Variants in MRPS16 observed in about 807,000 individuals in gnomAD.
The protein encoded by MRPS16 is mitochondrial ribosomal protein S16.
Under a neutral mutation model 11.0 loss-of-function variants are expected in MRPS16, and 5 were observed. The ratio of observed to expected loss-of-function variants is 0.46; its 90% CI spans 0.24 to 0.96. The LOEUF is 0.96. Among genes scored for constraint, MRPS16 ranks in the 40% least tolerant of loss-of-function variants. The pLI is 0.20. For synonymous variants in MRPS16, 76 were observed against 65.0 expected (o/e 1.17, Z -0.81); for missense variants, 179 against 174.4 (o/e 1.03, Z -0.15).
chr10:73,252,410 G>T, intron 1 of MRPS16, 60 bp downstream of exon 1: 6 of 1,605,826 alleles, frequency 3.7e-6, no homozygotes, highest in Non-Finnish European at 5.1e-6. Flanking sequence ...TCCCCACCCG[G>T]CCCCGAACTC....
At chr10:73,251,688 A>G in intron 2 of MRPS16, 75 bp downstream of exon 2, 1 of 1,605,242 alleles carries the variant, frequency 6.2e-7, no homozygotes, top group Non-Finnish European at 8.5e-7. Context: ...GCCGAAAATC[A>G]TTCTTACACC....
intron 2 of MRPS16, among the ~76,000 whole-genome samples, chr10:73,251,439 G>A (rs2044093881): frequency 1.3e-5 from 2 of 151,692 alleles, no homozygotes; most frequent in African/African-American, 4.9e-5. Flanking sequence ...GCAGTGACGC[G>A]ATCTTGGCTC....
In MRPS16 at chr10:73,252,041, G is replaced by A; in HGVS notation, c.14-18C>T. 3 of 1,609,660 alleles carry A rather than the reference G, an allele frequency of 1.9e-6. No homozygotes were observed. Among genetic ancestry groups the A allele is most frequent in the Non-Finnish European group, 2.5e-6 (3 of 1,177,842 alleles). On this transcript the variant is annotated intron_variant, in intron 1 of 2. Coordinates refer to ENST00000372945, the MANE Select transcript of MRPS16 (RefSeq NM_016065.4). ...GAGAGTAGCTGTAGAAAAGCAGCTG[G>A]TTAGGACACAAAAAACAGCACAAAA...
At chr10:73,252,222 A>C (rs1589211853) in intron 1 of MRPS16, 199 bp from the exon 2 acceptor site, 1 of 1,015,596 alleles carries the variant, frequency 9.8e-7, no homozygotes, top group Non-Finnish European at 1.5e-6. Flanking sequence ...ACCCAAACCC[A>C]CCCCGCATGG....
rs113958603 is a variant in MRPS16, at chr10:73,252,609, G to A, written c.-127C>T. 3.6e-6 allele frequency: 5 copies of A among 1,394,650 alleles called. No individual in the cohort carries two copies. The highest frequency in any genetic ancestry group is 2.0e-5 in the Admixed American group (1 of 48,874). The allele number at this position is 1,394,650 out of a possible 1,614,324, so 86.4% of individuals were successfully genotyped here. ...CCGACACCAGGCCGCACCGCCAAGC[G>A]GTACAAGCCCGAAAACCTCGACTCC... is the stretch of plus-strand genomic sequence containing the variant. On this transcript the variant is annotated 5_prime_UTR_variant, in exon 1 of 3. Transcript: ENST00000372945.
chr10:73,252,268 G>C, intron 1 of MRPS16: 2 of 1,047,348 alleles, frequency 1.9e-6, no homozygotes, highest in Non-Finnish European at 2.8e-6. Flanking sequence ...CCTTGTCGGA[G>C]CCTTAGCTGC....
Position 73,250,872 on chromosome 10 carries a change from TATCTGTAGCTTCTGC to T in MRPS16, c.379_393del (p.Ala127_Asp131del), listed in dbSNP as rs1438216781. On this transcript the variant is annotated inframe_deletion, in exon 3 of 3. Coordinates refer to ENST00000372945, the MANE Select transcript of MRPS16 (RefSeq NM_016065.4). ...CTCATTTATGTTTCTGTAGCCTCTG[TATCTGTAGCTTCTGC>T]ATCTGTTTTCTGAGAAGCTAACAGG... 1 of 1,614,030 alleles carries T rather than the reference TATCTGTAGCTTCTGC, an allele frequency of 6.2e-7. No homozygotes were observed. Among genetic ancestry groups the T allele is most frequent in the African/African-American group, 1.3e-5 (1 of 74,942 alleles).
At position 73,249,437 on chromosome 10, in the gene MRPS16, A is replaced by G. The variant is rs2044055154; in HGVS notation, c.*1415T>C. 26 of 1,018,962 alleles carry G rather than the reference A, an allele frequency of 2.6e-5. 1 individual carries two copies. In the South Asian group the frequency reaches 4.1e-4, roughly 16 times the overall value. The allele number at this position is 1,018,962 out of a possible 1,614,324, so 63.1% of individuals were successfully genotyped here. A position where few individuals can be genotyped will look rare whatever the true frequency, so the allele number is the denominator to read the frequency against. The stretch of plus-strand genomic sequence containing the variant: ...CTGGCATCAAGGTAGGAAGGAAAAG[A>G]TACAAGAAGTAAAATGCAACACTCA... On this transcript the variant is annotated 3_prime_UTR_variant, in exon 3 of 3. Coordinates refer to ENST00000372945, the MANE Select transcript of MRPS16 (RefSeq NM_016065.4).
chr10:73,249,043 C>T lies in MRPS16; in HGVS notation c.*1809G>A, dbSNP rs963262473. ...AAGTGATCTTACTGCCTCAGCTTCC[C>T]GAGTAGCTGGAACTATGGGTGAGCA... On this transcript the variant is annotated 3_prime_UTR_variant, in exon 3 of 3. Coordinates refer to ENST00000372945, the MANE Select transcript of MRPS16 (RefSeq NM_016065.4). The T allele has an allele frequency of 6.7e-6, 4 of 593,900 alleles. No homozygotes were observed. Among genetic ancestry groups the T allele is most frequent in the Admixed American group, 5.3e-5 (2 of 38,074 alleles). The allele number at this position is 593,900 out of a possible 1,614,324, so 36.8% of individuals were successfully genotyped here.
Position 73,250,097 on chromosome 10 carries a change from A to G in MRPS16, c.*755T>C, listed in dbSNP as rs1435799219. 6.6e-6 allele frequency: 1 copy of G among 151,378 alleles called. No homozygotes were observed. Among genetic ancestry groups the G allele is most frequent in the Non-Finnish European group, 1.5e-5 (1 of 67,946 alleles). The allele number at this position is 151,378 out of a possible 1,614,324, so 9.4% of individuals were successfully genotyped here. ...GTGGTGGGCACCTGTAGTCCCAGCT[A>G]CTCCTGGGACTACTCGGGAGGCTGA... is the stretch of plus-strand genomic sequence containing the variant. On this transcript the variant is annotated 3_prime_UTR_variant, in exon 3 of 3. Coordinates refer to ENST00000372945, the MANE Select transcript of MRPS16 (RefSeq NM_016065.4).
Position 73,250,742 on chromosome 10 carries a change from C to T in MRPS16, c.*110G>A, listed in dbSNP as rs1231108446. 1.4e-6 allele frequency: 2 copies of T among 1,450,058 alleles called. No homozygotes were observed. Among genetic ancestry groups the T allele is most frequent in the East Asian group, 4.5e-5 (2 of 44,036 alleles). The allele number at this position is 1,450,058 out of a possible 1,614,324, so 89.8% of individuals were successfully genotyped here. A position where few individuals can be genotyped will look rare whatever the true frequency, so the allele number is the denominator to read the frequency against. ...CCAGGCCAGAAGAGCAAGGGCAACT[C>T]AGGATACTCCATTTATTGAACTCCA... On this transcript the variant is annotated 3_prime_UTR_variant, in exon 3 of 3. Transcript: ENST00000372945.
rs971949423 is a variant in MRPS16 at position 73,250,734 on chromosome 10, G to A, written c.*118C>T. ...TGTGCAGGCCAGGCCAGAAGAGCAA[G>A]GGCAACTCAGGATACTCCATTTATT... On this transcript the variant is annotated 3_prime_UTR_variant, in exon 3 of 3. Transcript: ENST00000372945. 2.9e-6 allele frequency: 4 copies of A among 1,384,374 alleles called. No homozygotes were observed. The South Asian group carries it at 3.5e-5, about 12-fold the overall frequency. 85.8% of individuals were successfully genotyped at this position (1,384,374 alleles called of 1,614,324 possible).
chr10:73,250,993 TAA>T lies in MRPS16; in HGVS notation c.275-4_275-3del. On this transcript the variant is annotated splice_polypyrimidine_tract_variant and splice_region_variant and intron_variant, in intron 2 of 2. Coordinates refer to ENST00000372945, the MANE Select transcript of MRPS16 (RefSeq NM_016065.4). ...GCAGAGGGAAAAAGCCAGCAAGACCTAAAAGTAACAGATTTTTCACTTATTAT... is the reference window on the plus strand; with the variant it reads ...GCAGAGGGAAAAAGCCAGCAAGACCTAAGTAACAGATTTTTCACTTATTAT... The T allele has an allele frequency of 6.2e-7, 1 of 1,614,054 alleles. No individual in the cohort carries two copies. Among genetic ancestry groups the T allele is most frequent in the Non-Finnish European group, 8.5e-7 (1 of 1,179,972 alleles).
Position 73,249,488 on chromosome 10 carries a change from TAC to T in MRPS16, c.*1362_*1363del, listed in dbSNP as rs199860739. The T allele has an allele frequency of 4.6e-6, 3 of 652,536 alleles. No homozygotes were observed. The highest frequency in any genetic ancestry group is 4.0e-5 in the South Asian group (2 of 49,752). The allele number at this position is 652,536 out of a possible 1,614,324, so 40.4% of individuals were successfully genotyped here. A position where few individuals can be genotyped will look rare whatever the true frequency, so the allele number is the denominator to read the frequency against. ...TTACAGGTTGTCAACATTATTGGTA[TAC>T]AGTTTATCCTAACACAGAGCAGCCT... On this transcript the variant is annotated 3_prime_UTR_variant, in exon 3 of 3. Coordinates refer to ENST00000372945, the MANE Select transcript of MRPS16 (RefSeq NM_016065.4).
At chr10:73,252,219 C>T in intron 1 of MRPS16, 196 bp from the exon 2 acceptor site, 1 of 1,037,026 alleles carries the variant, frequency 9.6e-7, no homozygotes, top group Admixed American at 2.1e-5. Flanking sequence ...CATACCCAAA[C>T]CCACCCCGCA....
chr10:73,252,489 G>A lies in MRPS16; in HGVS notation c.-7C>T. 6.2e-7 allele frequency: 1 copy of A among 1,607,966 alleles called. No homozygotes were observed. Among genetic ancestry groups the A allele is most frequent in the Non-Finnish European group, 8.5e-7 (1 of 1,179,734 alleles). On this transcript the variant is annotated 5_prime_UTR_variant, in exon 1 of 3. Transcript: ENST00000372945. ...ACTCACTGAGGTGGACCATGGTGCC[G>A]CCGGCGTGCGGCTCCTCGGAGAGCC...
At position 73,252,633 on chromosome 10, in the gene MRPS16, C is replaced by G. The variant is rs372523400; in HGVS notation, c.-151G>C. On this transcript the variant is annotated 5_prime_UTR_variant, in exon 1 of 3. Transcript: ENST00000372945. The stretch of plus-strand genomic sequence containing the variant: ...CGGTACAAGCCCGAAAACCTCGACT[C>G]CGGAAGCGGATGATCCGCTCGCCAC... The G allele has an allele frequency of 4.4e-6, 5 of 1,131,324 alleles. No homozygotes were observed. The African/African-American group carries it at 7.7e-5, about 17-fold the overall frequency. 70.1% of individuals were successfully genotyped at this position (1,131,324 alleles called of 1,614,324 possible).
At position 73,251,003 on chromosome 10, in the gene MRPS16, A is replaced by G. The variant is rs753545515; in HGVS notation, c.275-12T>C. ...AAAGCCAGCAAGACCTAAAAGTAAC[A>G]GATTTTTCACTTATTATAACACAGT... On this transcript the variant is annotated splice_polypyrimidine_tract_variant and intron_variant, in intron 2 of 2. Coordinates refer to ENST00000372945, the MANE Select transcript of MRPS16 (RefSeq NM_016065.4). 2.5e-6 allele frequency: 4 copies of G among 1,613,830 alleles called. No homozygotes were observed. In the Admixed American group the frequency reaches 5.0e-5, roughly 20 times the overall value.
At chr10:73,251,096 G>A (rs535506441) in intron 2 of MRPS16, 105 bp from the exon 3 acceptor site, 1 of 1,355,678 alleles carries the variant, frequency 7.4e-7, no homozygotes, top group Non-Finnish European at 1.0e-6. Context: ...CCAGTGCATG[G>A]ATGCAAACCA....
Sources: allele counts gnomAD v4.1 joint callset (sites outside exome capture counted in the v4.1 genomes callset), GRCh38; gene constraint gnomAD v4.1.1; transcripts MANE v1.5; gene names NCBI Gene and HGNC (gene_info 2026-07-23, HGNC 2026-07-21).